SYT1: variants seen among roughly 807,000 people sequenced by gnomAD.
The protein encoded by SYT1 is synaptotagmin 1.
In SYT1, 8 loss-of-function variants were observed where a neutral mutation model predicts 44.8. The ratio of observed to expected loss-of-function variants is 0.18; its 90% CI spans 0.10 to 0.32. SYT1 has a LOEUF of 0.32. Ranked by LOEUF, SYT1 falls within the 10% of genes least tolerant of loss-of-function variation. The pLI is 1.00. For missense variants in SYT1, 286 were observed against 509.3 expected, an observed-to-expected ratio of 0.56 and a Z score of 4.22; for synonymous variants, 154 against 188.8, an observed-to-expected ratio of 0.82 and a Z score of 1.51.
intron 9 of SYT1, among the ~76,000 whole-genome samples, chr12:79,356,361 G>C (rs1483212514): frequency 2.0e-5 from 3 of 151,836 alleles, no homozygotes; most frequent in Non-Finnish European, 4.4e-5. Context: ...TCTCTCACTA[G>C]ACTGTGTTCT....
At chr12:79,399,798 A>C (rs906709913) in intron 9 of SYT1, among the ~76,000 whole-genome samples, 2 of 152,210 alleles carry the variant, frequency 1.3e-5, no homozygotes, top group Admixed American at 1.3e-4. Flanking sequence ...TCCATTTCTA[A>C]CAAGTCCCCA....
intron 3 of SYT1, among the ~76,000 whole-genome samples, chr12:79,087,609 G>A (rs1877471506): frequency 6.6e-6 from 1 of 152,002 alleles, no homozygotes; most frequent in Non-Finnish European, 1.5e-5. Context: ...TGAGTAAGGT[G>A]CATCAAGCCC....
At chr12:79,046,873 A>C (rs781736627) in intron 2 of SYT1, among the ~76,000 whole-genome samples, 2 of 151,988 alleles carry the variant, frequency 1.3e-5, no homozygotes, top group Non-Finnish European at 2.9e-5. Context: ...CTTAAAAGTA[A>C]CATGGGGCTG....
At chr12:79,433,180 T>C (rs1869898717) in intron 9 of SYT1, among the ~76,000 whole-genome samples, 1 of 152,136 alleles carries the variant, frequency 6.6e-6, no homozygotes, top group African/African-American at 2.4e-5. Context: ...TTAAAGCAAG[T>C]GCGTTCAAGG....
intron 1 of SYT1, among the ~76,000 whole-genome samples, chr12:78,974,169 A>G (rs2137406523): frequency 1.3e-5 from 2 of 150,672 alleles, no homozygotes; most frequent in East Asian, 3.9e-4. Context: ...ATGTTACTTC[A>G]ATGAACACTG....
chr12:79,034,971 C>A lies in SYT1; in HGVS notation c.-83-12326C>A, dbSNP rs1233946503. Among the ~76,000 whole-genome samples the A allele has an allele frequency of 2.0e-5, 3 of 151,688 alleles. No individual in the cohort carries two copies. In the East Asian group the frequency reaches 5.8e-4, roughly 29 times the overall value. Reference sequence around the variant, plus strand: ...TCTACAGTTGTTCTCCACATGGATGCCCAACAGTGGAAACCAAAGACCACT... The same window carrying A: ...TCTACAGTTGTTCTCCACATGGATGACCAACAGTGGAAACCAAAGACCACT... On this transcript the variant is annotated intron_variant, in intron 2 of 10. Transcript: ENST00000261205.
chr12:78,994,286 C>T (rs537158356), intron 2 of SYT1, among the ~76,000 whole-genome samples: 56 of 152,202 alleles, frequency 3.7e-4, no homozygotes, highest in African/African-American at 1.1e-3. Context: ...GCACCAACCA[C>T]GATAAATAAA....
At chr12:78,879,791 C>A (rs1484883624) in intron 1 of SYT1, among the ~76,000 whole-genome samples, 2 of 151,768 alleles carry the variant, frequency 1.3e-5, no homozygotes, top group Non-Finnish European at 2.9e-5. Context: ...TATTCACCAG[C>A]CTCATTTATC....
chr12:78,996,056 C>T (rs951928437), intron 2 of SYT1, among the ~76,000 whole-genome samples: 6 of 151,980 alleles, frequency 3.9e-5, no homozygotes, highest in Admixed American at 3.9e-4. Flanking sequence ...TAACCCAGGT[C>T]TATCTCCATC....
chr12:79,339,615 A>T (rs1471947369), intron 8 of SYT1, among the ~76,000 whole-genome samples: 3 of 152,198 alleles, frequency 2.0e-5, no homozygotes, highest in African/African-American at 7.2e-5. Flanking sequence ...GCCATTCTGA[A>T]GGTTACCTGT....
At chr12:79,298,560 T>C (rs1879984022) in intron 7 of SYT1, among the ~76,000 whole-genome samples, 1 of 152,172 alleles carries the variant, frequency 6.6e-6, no homozygotes, top group African/African-American at 2.4e-5. Context: ...AAACAATTTC[T>C]TAATTAGGTA....
chr12:79,249,835 T>C (rs1398840514), intron 4 of SYT1, among the ~76,000 whole-genome samples: 3 of 152,054 alleles, frequency 2.0e-5, no homozygotes, highest in Middle Eastern at 3.2e-3. Context: ...GTTTTAGAAA[T>C]TAGAGTAGAA....
At chr12:79,257,260 A>G (rs1024902477) in intron 4 of SYT1, among the ~76,000 whole-genome samples, 2 of 152,216 alleles carry the variant, frequency 1.3e-5, no homozygotes, top group Non-Finnish European at 2.9e-5. Flanking sequence ...CATACCATAA[A>G]TCAGCATGTT....
intron 3 of SYT1, among the ~76,000 whole-genome samples, chr12:79,056,967 C>T (rs1285292972): frequency 6.6e-6 from 1 of 151,988 alleles, no homozygotes; most frequent in Non-Finnish European, 1.5e-5. Context: ...AATCCCTTTA[C>T]AGTCTGACAT....
chr12:79,254,156 AGC>A (rs1877385637), intron 4 of SYT1, among the ~76,000 whole-genome samples: 1 of 152,226 alleles, frequency 6.6e-6, no homozygotes, highest in Non-Finnish European at 1.5e-5. Context: ...GGACTTTCAT[AGC>A]TAGAGAGAAG....
rs776005392 is a variant in SYT1 at position 79,292,147 on chromosome 12, T to G, written c.474+17T>G. The G allele has an allele frequency of 1.6e-5, 25 of 1,607,162 alleles. No individual in the cohort carries two copies. Among genetic ancestry groups the G allele is most frequent in the Non-Finnish European group, 2.1e-5 (25 of 1,178,074 alleles). On this transcript the variant is annotated intron_variant, in intron 6 of 10. Transcript: ENST00000261205. ...AATAACCAGGTCTGAAGTGGAGAAA[T>G]GTCTTCTAATTCCATTACATTTTCT...
chr12:78,994,132 G>A (rs1233578512), intron 2 of SYT1, among the ~76,000 whole-genome samples: 2 of 152,102 alleles, frequency 1.3e-5, no homozygotes, highest in East Asian at 1.9e-4. Flanking sequence ...TTCCTCCTGA[G>A]TAGATTCACC....
intron 4 of SYT1, among the ~76,000 whole-genome samples, chr12:79,270,791 T>C (rs1878381005): frequency 6.6e-6 from 1 of 152,198 alleles, no homozygotes; most frequent in Non-Finnish European, 1.5e-5. Flanking sequence ...CTTGAGATAG[T>C]GGCGTACTTC....
At chr12:79,257,215 T>C (rs903476035) in intron 4 of SYT1, among the ~76,000 whole-genome samples, 4 of 152,224 alleles carry the variant, frequency 2.6e-5, no homozygotes, top group African/African-American at 4.8e-5. Context: ...ATTAATCTAT[T>C]GAAATGTGGG....
Sources: gnomAD v4.1 joint callset for allele counts (sites outside exome capture counted in the v4.1 genomes callset) on GRCh38, gnomAD v4.1.1 for gene constraint, MANE v1.5 for transcripts, NCBI Gene and HGNC (gene_info 2026-07-23, HGNC 2026-07-21) for gene names.